The following PAX8 variants were observed in gnomAD, a reference collection of about 807,000 sequenced individuals.
The protein encoded by PAX8 is paired box 8, also known as paired box protein Pax-8.
In PAX8, 15 loss-of-function variants were observed where a neutral mutation model predicts 52.4. The observed-to-expected ratio is 0.29, with a 90% CI of 0.19 to 0.44. PAX8 has a LOEUF of 0.44. PAX8 is among the 20% of genes least tolerant of loss of function. The probability of loss-of-function intolerance (pLI) is 1.00; values close to 1 mark genes in which losing one functional copy is unlikely to be tolerated. For missense variants in PAX8, 554 were observed against 602.5 expected (o/e 0.92, Z 0.84); for synonymous variants, 284 against 249.7 (o/e 1.14, Z -1.29).
chr2:113,220,255 G>A, intron 10 of PAX8, 77 bp from the exon 11 acceptor site: 5 of 1,155,590 alleles, frequency 4.3e-6, no homozygotes, highest in Non-Finnish European at 5.2e-6. Flanking sequence ...AAGGTCTGCA[G>A]GGCTGGCAAT....
chr2:113,277,949 TG>T (rs149098299), intron 2 of PAX8, among the ~76,000 whole-genome samples: 5,739 of 152,006 alleles, frequency 0.038, 194 homozygotes, highest in South Asian at 0.14. Flanking sequence ...GGGGAGTCAC[TG>T]GGAAGGACTG....
chr2:113,252,546 A>G (rs765306641), intron 2 of PAX8, among the ~76,000 whole-genome samples: 4 of 152,138 alleles, frequency 2.6e-5, no homozygotes, highest in Admixed American at 1.3e-4. Flanking sequence ...ACCTGGACAC[A>G]TGAGACCCTT....
Position 113,216,376 on chromosome 2 carries a change from C to A in PAX8, c.*2157G>T, listed in dbSNP as rs1009455302. 2 of 232,018 alleles carry A rather than the reference C, an allele frequency of 8.6e-6. No individual in the cohort carries two copies. Among genetic ancestry groups the A allele is most frequent in the African/African-American group, 2.2e-5 (1 of 45,254 alleles). 14.4% of individuals were successfully genotyped at this position (232,018 alleles called of 1,614,324 possible). On this transcript the variant is annotated 3_prime_UTR_variant, in exon 12 of 12. Coordinates refer to ENST00000429538, the MANE Select transcript of PAX8 (RefSeq NM_003466.4). The stretch of plus-strand genomic sequence containing the variant: ...AGGCCTAAGGAGGTAAGAGCCCTCT[C>A]TCCCAGCCTCTGTCCTCCCAGCCCT...
intron 2 of PAX8, chr2:113,275,242 C>G (rs1173642428): frequency 6.6e-6 from 1 of 152,114 alleles, no homozygotes; most frequent in Non-Finnish European, 1.5e-5. Flanking sequence ...TAAAAAGATA[C>G]TTATCTTAAA....
intron 2 of PAX8, chr2:113,274,506 C>A (rs1047403783): frequency 6.6e-6 from 1 of 152,194 alleles, no homozygotes; most frequent in Non-Finnish European, 1.5e-5. Flanking sequence ...TCTCCAGCTA[C>A]CTTCTCCCTT....
At chr2:113,258,473 C>T (rs774503018) in intron 2 of PAX8, among the ~76,000 whole-genome samples, 5 of 152,130 alleles carry the variant, frequency 3.3e-5, no homozygotes, top group Non-Finnish European at 7.3e-5. Context: ...CCAATGCCAC[C>T]GCTCCCCTAC....
chr2:113,238,415 C>T (rs1476400391), intron 7 of PAX8: 1 of 152,362 alleles, frequency 6.6e-6, no homozygotes, highest in Non-Finnish European at 1.5e-5. Flanking sequence ...ATTTCTAGAG[C>T]GTATAAGAGA....
intron 7 of PAX8, chr2:113,237,278 A>G (rs1241568322): frequency 6.6e-6 from 1 of 152,544 alleles, no homozygotes; most frequent in Admixed American, 6.5e-5. Context: ...AAGAGCTTAT[A>G]TCAGAGCTTT....
rs111411733 is a variant in PAX8, at chr2:113,217,906, A to T, written c.*627T>A. 0.013 allele frequency: 3,062 copies of T among 233,252 alleles called. 116 individuals are homozygous for T. Among genetic ancestry groups the T allele is most frequent in the African/African-American group, 0.062 (2,821 of 45,426 alleles). 14.4% of individuals were successfully genotyped at this position (233,252 alleles called of 1,614,324 possible). Reference sequence around the variant, plus strand: ...AAGAGGTCAGCTGACAGCCTGGTGGAATTTCTGAGGGACTCGCTCCAGCCC... The same window carrying T: ...AAGAGGTCAGCTGACAGCCTGGTGGTATTTCTGAGGGACTCGCTCCAGCCC... On this transcript the variant is annotated 3_prime_UTR_variant, in exon 12 of 12. Transcript: ENST00000429538.
chr2:113,251,260 G>T (rs1203909760), intron 2 of PAX8, among the ~76,000 whole-genome samples: 1 of 152,140 alleles, frequency 6.6e-6, no homozygotes, highest in Non-Finnish European at 1.5e-5. Context: ...CACTGGGGTT[G>T]GGGGGACGAT....
At chr2:113,267,577 T>TA (rs1175072097) in intron 2 of PAX8, 1 of 152,172 alleles carries the variant, frequency 6.6e-6, no homozygotes, top group African/African-American at 2.4e-5. Flanking sequence ...CATGCCTAAA[T>TA]AGATGCATAG....
intron 2 of PAX8, among the ~76,000 whole-genome samples, chr2:113,257,018 A>G (rs780077502): frequency 4.6e-5 from 7 of 151,936 alleles, no homozygotes; most frequent in Non-Finnish European, 7.4e-5. Context: ...ACATAGGGGG[A>G]TGAAGAAAGA....
rs893648588 is a variant in PAX8, at chr2:113,217,400, G to C, written c.*1133C>G. 8.8e-6 allele frequency: 2 copies of C among 226,942 alleles called. No homozygotes were observed. Among genetic ancestry groups the C allele is most frequent in the Non-Finnish European group, 1.8e-5 (2 of 113,932 alleles). The allele number at this position is 226,942 out of a possible 1,614,324, so 14.1% of individuals were successfully genotyped here. Reference sequence around the variant, plus strand: ...TTTATTGAGTCATGTGGTAATGGCAGGTTGTCTTTAAAAAAAGAAAGAAGC... The same window carrying C: ...TTTATTGAGTCATGTGGTAATGGCACGTTGTCTTTAAAAAAAGAAAGAAGC... On this transcript the variant is annotated 3_prime_UTR_variant, in exon 12 of 12. Coordinates refer to ENST00000429538, the MANE Select transcript of PAX8 (RefSeq NM_003466.4).
chr2:113,227,811 TC>T (rs1689674971), intron 9 of PAX8, among the ~76,000 whole-genome samples: 1 of 152,082 alleles, frequency 6.6e-6, no homozygotes, highest in African/African-American at 2.4e-5. Flanking sequence ...CTATACCATT[TC>T]CCCCTGAGTA....
At chr2:113,247,655 G>A (rs906049978) in intron 2 of PAX8, among the ~76,000 whole-genome samples, 3 of 152,202 alleles carry the variant, frequency 2.0e-5, no homozygotes, top group African/African-American at 4.8e-5. Context: ...GTGTGTACAC[G>A]TTCCCTTAGC....
chr2:113,260,632 A>T (rs917412968), intron 2 of PAX8, among the ~76,000 whole-genome samples: 1 of 152,156 alleles, frequency 6.6e-6, no homozygotes, highest in African/African-American at 2.4e-5. Flanking sequence ...GTGACTGCAG[A>T]GACTGAGAAG....
At chr2:113,228,901 C>T (rs1397848664) in intron 9 of PAX8, among the ~76,000 whole-genome samples, 1 of 152,230 alleles carries the variant, frequency 6.6e-6, no homozygotes, top group Admixed American at 6.5e-5. Context: ...GCCAATACTG[C>T]AGTGACTACC....
At chr2:113,260,095 G>T (rs1048597402) in intron 2 of PAX8, among the ~76,000 whole-genome samples, 1 of 152,188 alleles carries the variant, frequency 6.6e-6, no homozygotes, top group Non-Finnish European at 1.5e-5. Context: ...AATTCAGTGA[G>T]CACCTACTCT....
intron 10 of PAX8, chr2:113,226,084 G>C (rs927672706): frequency 2.0e-6 from 2 of 985,538 alleles, no homozygotes; most frequent in Non-Finnish European, 2.4e-6. Flanking sequence ...GGAGCACAGA[G>C]CATTTCTCCC....
Sources: allele counts gnomAD v4.1 joint callset (sites outside exome capture counted in the v4.1 genomes callset), GRCh38; gene constraint gnomAD v4.1.1; transcripts MANE v1.5; gene names NCBI Gene and HGNC (gene_info 2026-07-23, HGNC 2026-07-21).